Variants in SEMA3C observed in about 807,000 individuals in gnomAD.
The protein encoded by SEMA3C is semaphorin-3C.
SEMA3C carries 47 observed loss-of-function variants against 89.4 expected under a neutral mutation model. That is an observed-to-expected ratio of 0.53 (90% CI 0.42 to 0.67). SEMA3C has a LOEUF of 0.67. Ranked by LOEUF, SEMA3C falls within the 30% of genes least tolerant of loss-of-function variation. The probability of loss-of-function intolerance (pLI) is 0.00; values close to 1 mark genes in which losing one functional copy is unlikely to be tolerated. For missense variants in SEMA3C, 839 were observed against 929.1 expected (o/e 0.90, Z 1.26); for synonymous variants, 310 against 320.2 (o/e 0.97, Z 0.34).
chr7:80,791,819 T>C (rs1439429513), intron 11 of SEMA3C, among the ~76,000 whole-genome samples: 1 of 152,218 alleles, frequency 6.6e-6, no homozygotes, highest in Non-Finnish European at 1.5e-5. Context: ...ACAGTATTAG[T>C]GCCTTTGGGC....
intron 11 of SEMA3C, among the ~76,000 whole-genome samples, chr7:80,791,454 G>A (rs1788938973): frequency 6.6e-6 from 1 of 152,062 alleles, no homozygotes; most frequent in Non-Finnish European, 1.5e-5. Context: ...CTATCGTGTT[G>A]GTTTTCATTT....
intron 2 of SEMA3C, among the ~76,000 whole-genome samples, chr7:80,848,850 T>C (rs1457141335): frequency 6.6e-6 from 1 of 152,198 alleles, no homozygotes; most frequent in Admixed American, 6.5e-5. Flanking sequence ...GTTTTATTTT[T>C]CAATTTACGG....
intron 2 of SEMA3C, among the ~76,000 whole-genome samples, chr7:80,873,236 A>G (rs78279707): frequency 0.017 from 2,594 of 152,314 alleles, 32 homozygotes; most frequent in Non-Finnish European, 0.025. Context: ...TGTGGTGAGC[A>G]GGGAAAAGTG....
At chr7:80,848,642 A>T (rs182983989) in intron 2 of SEMA3C, among the ~76,000 whole-genome samples, 51 of 152,270 alleles carry the variant, frequency 3.3e-4, no homozygotes, top group Non-Finnish European at 6.5e-4. Context: ...TGATGTTTTT[A>T]TTCTTCAAAG....
intron 2 of SEMA3C, among the ~76,000 whole-genome samples, chr7:80,870,988 T>C (rs1445868720): frequency 6.6e-6 from 1 of 152,220 alleles, no homozygotes; most frequent in Non-Finnish European, 1.5e-5. Context: ...ACTGGCCCTC[T>C]GAACAAGATT....
At chr7:80,894,959 G>C (rs1222491201) in intron 2 of SEMA3C, among the ~76,000 whole-genome samples, 1 of 151,934 alleles carries the variant, frequency 6.6e-6, no homozygotes, top group Non-Finnish European at 1.5e-5. Context: ...TAATATAAGG[G>C]GCCAGATTAG....
chr7:80,825,948 AT>A (rs1052940293), intron 4 of SEMA3C, among the ~76,000 whole-genome samples: 2 of 151,794 alleles, frequency 1.3e-5, no homozygotes, highest in Non-Finnish European at 2.9e-5. Flanking sequence ...ATTTTTCTGG[AT>A]TTTTTCCCCC....
intron 12 of SEMA3C, among the ~76,000 whole-genome samples, chr7:80,766,397 T>C (rs988238914): frequency 1.7e-4 from 25 of 149,980 alleles, no homozygotes; most frequent in Middle Eastern, 3.4e-3. Context: ...ATAAAGCCGA[T>C]TCAAACTTCA....
chr7:80,848,522 A>G (rs753310949), intron 2 of SEMA3C, among the ~76,000 whole-genome samples: 10 of 152,290 alleles, frequency 6.6e-5, no homozygotes, highest in Non-Finnish European at 1.0e-4. Flanking sequence ...ATGGTGCCCC[A>G]TGTTCCACCC....
In SEMA3C at chr7:80,761,269, G is replaced by C. The variant is rs551455674; in HGVS notation, c.1485+347C>G. 3.8e-4 allele frequency among the ~76,000 whole-genome samples: 58 copies of C among 152,188 alleles called. 3 individuals carry two copies. Among genetic ancestry groups the C allele is most frequent in the African/African-American group, 1.3e-3 (56 of 41,530 alleles). On this transcript the variant is annotated intron_variant, in intron 14 of 17. Coordinates refer to ENST00000265361, the MANE Select transcript of SEMA3C (RefSeq NM_006379.5). ...CCTCTAACAATGTTGTGATGTTATAGAGTAGCCCAAACTTTATGCTAAATT... is the reference window on the plus strand; with the variant it reads ...CCTCTAACAATGTTGTGATGTTATACAGTAGCCCAAACTTTATGCTAAATT...
intron 17 of SEMA3C, among the ~76,000 whole-genome samples, chr7:80,747,690 AAG>A: frequency 6.6e-6 from 1 of 152,332 alleles, no homozygotes; most frequent in South Asian, 2.1e-4. Flanking sequence ...CAGCAAAGAA[AAG>A]AGATCTCAAA....
intron 2 of SEMA3C, among the ~76,000 whole-genome samples, chr7:80,849,040 A>G (rs1478485749): frequency 6.6e-6 from 1 of 152,100 alleles, no homozygotes. Context: ...TTCTTAACGC[A>G]AGAGATTTTA....
At chr7:80,794,348 T>C (rs1257527687) in intron 11 of SEMA3C, among the ~76,000 whole-genome samples, 1 of 152,198 alleles carries the variant, frequency 6.6e-6, no homozygotes, top group Non-Finnish European at 1.5e-5. Flanking sequence ...ATTTTAAAAA[T>C]TTTATTCACG....
At chr7:80,759,602 G>C (rs941593703) in intron 14 of SEMA3C, among the ~76,000 whole-genome samples, 1 of 152,124 alleles carries the variant, frequency 6.6e-6, no homozygotes. Flanking sequence ...ATAGTTTCTG[G>C]CTCACAAGTT....
chr7:80,907,136 A>G (rs907450595), intron 2 of SEMA3C, among the ~76,000 whole-genome samples: 2 of 152,144 alleles, frequency 1.3e-5, no homozygotes, highest in Admixed American at 6.5e-5. Context: ...GGTTTTGACT[A>G]CTAATGGAAA....
intron 2 of SEMA3C, among the ~76,000 whole-genome samples, chr7:80,903,313 T>C (rs750316029): frequency 6.6e-6 from 1 of 152,146 alleles, no homozygotes; most frequent in Non-Finnish European, 1.5e-5. Flanking sequence ...ACAATGGCAT[T>C]TGTGTATCCA....
intron 1 of SEMA3C, among the ~76,000 whole-genome samples, chr7:80,917,944 T>C (rs1792315985): frequency 6.6e-6 from 1 of 152,232 alleles, no homozygotes; most frequent in African/African-American, 2.4e-5. Context: ...ATATGCAATT[T>C]TAAACAAAAA....
intron 17 of SEMA3C, among the ~76,000 whole-genome samples, chr7:80,746,249 C>G (rs2117021885): frequency 6.6e-6 from 1 of 151,860 alleles, no homozygotes; most frequent in African/African-American, 2.4e-5. Context: ...ATATCTAAAT[C>G]AAAGATGAAT....
intron 13 of SEMA3C, among the ~76,000 whole-genome samples, chr7:80,763,325 C>G (rs1240568352): frequency 6.6e-6 from 1 of 152,122 alleles, no homozygotes; most frequent in Non-Finnish European, 1.5e-5. Context: ...CATACACACC[C>G]AATTATTTTT....
Sources: allele counts gnomAD v4.1 joint callset (sites outside exome capture counted in the v4.1 genomes callset), GRCh38; gene constraint gnomAD v4.1.1; transcripts MANE v1.5; gene names NCBI Gene and HGNC (gene_info 2026-07-23, HGNC 2026-07-21).